SCARA5: variants seen among roughly 807,000 people sequenced by gnomAD.
SCARA5 encodes the protein scavenger receptor class A, member 5 (putative).
Under a neutral mutation model 46.3 loss-of-function variants are expected in SCARA5, and 45 were observed. The ratio of observed to expected loss-of-function variants is 0.97; its 90% CI spans 0.76 to 1.24. SCARA5 has a LOEUF of 1.24. SCARA5 is among the 50% of genes most tolerant of loss of function. SCARA5 has a pLI of 0.00. For missense variants in SCARA5, 680 were observed against 689.0 expected (o/e 0.99, Z 0.15); for synonymous variants, 333 against 306.5 (o/e 1.09, Z -0.90).
rs570167540 is a variant in SCARA5 at position 27,907,441 on chromosome 8, T to A, written c.998-195A>T. Among the ~76,000 whole-genome samples, 8 of 152,268 alleles carry A rather than the reference T, an allele frequency of 5.3e-5. 1 individual carries two copies. The East Asian group carries it at 1.5e-3, about 29-fold the overall frequency. ...CCACATGGACCCTCCCATGCACACC[T>A]TGTATCCATCAGGCTTGGGATCCTC... On this transcript the variant is annotated intron_variant, in intron 5 of 8. Coordinates refer to ENST00000354914, the MANE Select transcript of SCARA5 (RefSeq NM_173833.6).
chr8:27,952,703 A>G (rs930996601), intron 3 of SCARA5, among the ~76,000 whole-genome samples: 4 of 152,242 alleles, frequency 2.6e-5, no homozygotes, highest in African/African-American at 7.2e-5. Context: ...CAATACCCCA[A>G]GTAGGGACCT....
chr8:27,965,725 C>T (rs1433376128), intron 3 of SCARA5, among the ~76,000 whole-genome samples: 2 of 152,236 alleles, frequency 1.3e-5, no homozygotes, highest in Non-Finnish European at 2.9e-5. Flanking sequence ...GGGAACTGAG[C>T]AGCCCTTCCT....
chr8:27,952,430 T>A lies in SCARA5; in HGVS notation c.241+13984A>T, dbSNP rs561328682. Among the ~76,000 whole-genome samples the A allele has an allele frequency of 1.9e-3, 286 of 152,248 alleles. 1 individual carries two copies. The highest frequency in any genetic ancestry group is 6.6e-3 in the African/African-American group (276 of 41,516). The stretch of plus-strand genomic sequence containing the variant: ...TCAAGGGTTGGGGTGGAGATCCCAG[T>A]CTTTATGGACCAAGTCCTTGCACAG... On this transcript the variant is annotated intron_variant, in intron 3 of 8. Coordinates refer to ENST00000354914, the MANE Select transcript of SCARA5 (RefSeq NM_173833.6).
At chr8:27,928,478 G>C (rs1807715768) in intron 3 of SCARA5, among the ~76,000 whole-genome samples, 1 of 152,022 alleles carries the variant, frequency 6.6e-6, no homozygotes, top group Non-Finnish European at 1.5e-5. Context: ...TTCAAATGAG[G>C]AAACTGAGGC....
At chr8:27,909,853 T>G in intron 4 of SCARA5, 110 bp from the exon 5 acceptor site, 2 of 646,676 alleles carry the variant, frequency 3.1e-6, no homozygotes, top group Non-Finnish European at 5.2e-6. Flanking sequence ...GGGGCAGCAT[T>G]AGCTTTGGAA....
chr8:27,912,423 A>G (rs1807392854), intron 4 of SCARA5, among the ~76,000 whole-genome samples: 2 of 152,246 alleles, frequency 1.3e-5, no homozygotes, highest in African/African-American at 2.4e-5. Context: ...CAAGTAATAC[A>G]GATGATTTAA....
intron 3 of SCARA5, among the ~76,000 whole-genome samples, chr8:27,964,056 G>A (rs1230868390): frequency 6.6e-6 from 1 of 152,162 alleles, no homozygotes; most frequent in Non-Finnish European, 1.5e-5. Context: ...CTGGACTGTG[G>A]ATCTCCCCTG....
At chr8:27,981,450 CT>C (rs1206656763) in intron 2 of SCARA5, among the ~76,000 whole-genome samples, 1 of 152,196 alleles carries the variant, frequency 6.6e-6, no homozygotes. Flanking sequence ...AGGAGCAGCC[CT>C]GGGTGACTCC....
In SCARA5 at chr8:27,905,542, A is replaced by T. The variant is rs550391074; in HGVS notation, c.1097-708T>A. Among the ~76,000 whole-genome samples, 777 of 105,702 alleles carry T rather than the reference A, an allele frequency of 7.4e-3. 179 individuals are homozygous for T. The highest frequency in any genetic ancestry group is 0.016 in the Middle Eastern group (3 of 190). 69.3% of individuals were successfully genotyped at this position (105,702 alleles called of 152,430 possible). A position where few individuals can be genotyped will look rare whatever the true frequency, so the allele number is the denominator to read the frequency against. ...AAGATTTGGGGGGGGGAAAAAAAAA[A>T]GGCAGCCATATACATATATAGGAAT... On this transcript the variant is annotated intron_variant, in intron 6 of 8. Coordinates refer to ENST00000354914, the MANE Select transcript of SCARA5 (RefSeq NM_173833.6).
chr8:27,878,133 C>A (rs1265593176), intron 8 of SCARA5, among the ~76,000 whole-genome samples: 1 of 152,216 alleles, frequency 6.6e-6, no homozygotes, highest in Non-Finnish European at 1.5e-5. Flanking sequence ...CTGCCATCCA[C>A]AGGTCACCAG....
intron 7 of SCARA5, among the ~76,000 whole-genome samples, chr8:27,888,476 T>G (rs773021473): frequency 3.3e-5 from 5 of 152,218 alleles, no homozygotes; most frequent in Non-Finnish European, 7.3e-5. Flanking sequence ...AACCAATGTA[T>G]AACATCCATG....
Position 27,879,749 on chromosome 8 carries a change from T to G in SCARA5, c.1171A>C (p.Met391Leu). ...GAGCCATTCACCAGGCGGATCATCA[T>G]CGGGGCCTCCACGCCACCTGCCGGA... ...AGDASGVEAP[M>L]MIRLVNGSGP... is the part of the protein sequence containing the mutation. Residue 391 changes from methionine to leucine, a missense_variant, in exon 8 of 9, where the codon ATG becomes CTG. Met to Leu is a conservative substitution (Grantham distance 15, BLOSUM62 2). This residue lies in a region of SCARA5 where 219 missense variants were observed against 269.5 expected (regional missense o/e 0.81). Coordinates refer to ENST00000354914, the MANE Select transcript of SCARA5 (RefSeq NM_173833.6). 6.2e-7 allele frequency: 1 copy of G among 1,613,014 alleles called. No homozygotes were observed. The highest frequency in any genetic ancestry group is 8.5e-7 in the Non-Finnish European group (1 of 1,180,006).
At position 27,901,371 on chromosome 8, in the gene SCARA5, G is replaced by A. The variant is rs1033372922; in HGVS notation, c.1153+3407C>T. ...CCCTGGTTAGCGGCTCTTCCCGCAC[G>A]ATGTTGGCTTGTGGAGGAGGGTAGC... On this transcript the variant is annotated intron_variant, in intron 7 of 8. Coordinates refer to ENST00000354914, the MANE Select transcript of SCARA5 (RefSeq NM_173833.6). Among the ~76,000 whole-genome samples, 13 of 152,162 alleles carry A rather than the reference G, an allele frequency of 8.5e-5. No homozygotes were observed. The East Asian group carries it at 1.5e-3, about 18-fold the overall frequency.
chr8:27,950,117 A>G (rs1446650903), intron 3 of SCARA5, among the ~76,000 whole-genome samples: 1 of 152,122 alleles, frequency 6.6e-6, no homozygotes, highest in Non-Finnish European at 1.5e-5. Context: ...CCTGGGAGTG[A>G]GTCCTTGCAG....
At chr8:27,983,747 A>G (rs1808658850) in intron 2 of SCARA5, among the ~76,000 whole-genome samples, 1 of 152,132 alleles carries the variant, frequency 6.6e-6, no homozygotes, top group Non-Finnish European at 1.5e-5. Flanking sequence ...GCAGCTCATC[A>G]CACCCAGCAG....
intron 1 of SCARA5, among the ~76,000 whole-genome samples, chr8:27,989,371 A>G (rs925002347): frequency 1.3e-5 from 2 of 151,982 alleles, no homozygotes; most frequent in African/African-American, 2.4e-5. Flanking sequence ...CAAGCGCTCC[A>G]CTGGCCTCAG....
At chr8:27,910,378 G>T (rs1466621172) in intron 4 of SCARA5, 1 of 152,282 alleles carries the variant, frequency 6.6e-6, no homozygotes, top group Non-Finnish European at 1.5e-5. Flanking sequence ...CCAGGCAGAG[G>T]GAACAATCCC....
chr8:27,874,971 G>A (rs766961744), intron 8 of SCARA5, among the ~76,000 whole-genome samples: 7 of 152,146 alleles, frequency 4.6e-5, no homozygotes, highest in Admixed American at 2.0e-4. Flanking sequence ...TCCCATTTGG[G>A]TCTTTCTTGG....
chr8:27,884,861 C>T (rs1806869126), intron 7 of SCARA5, among the ~76,000 whole-genome samples: 2 of 152,126 alleles, frequency 1.3e-5, no homozygotes, highest in South Asian at 4.1e-4. Context: ...TAATTATAGC[C>T]AAGCGGTGAT....
Sources: allele counts gnomAD v4.1 joint callset (sites outside exome capture counted in the v4.1 genomes callset), GRCh38; gene constraint gnomAD v4.1.1; regional missense constraint gnomAD v4.1.1; transcripts MANE v1.5; gene names NCBI Gene and HGNC (gene_info 2026-07-23, HGNC 2026-07-21).